PARD3B: variants seen among roughly 807,000 people sequenced by gnomAD.
The protein encoded by PARD3B is partitioning defective 3 homolog B.
PARD3B carries 103 observed loss-of-function variants against 130.2 expected under a neutral mutation model. The observed-to-expected ratio is 0.79, with a 90% confidence interval of 0.67 to 0.93. The LOEUF is 0.93. Ranked by LOEUF, PARD3B falls within the 40% of genes least tolerant of loss-of-function variation. The pLI is 0.00. For synonymous variants in PARD3B, 583 were observed against 553.2 expected, an observed-to-expected ratio of 1.05 and a Z score of -0.76; for missense variants, 1,609 against 1,499.2, an observed-to-expected ratio of 1.07 and a Z score of -1.21.
chr2:205,034,955 C>A (rs761113863), intron 3 of PARD3B, among the ~76,000 whole-genome samples: 2 of 152,126 alleles, frequency 1.3e-5, no homozygotes, highest in Non-Finnish European at 2.9e-5. Context: ...CACCTGAGTT[C>A]AAGTGATCCT....
At chr2:205,067,101 T>TA (rs1700437584) in intron 4 of PARD3B, among the ~76,000 whole-genome samples, 1 of 61,140 alleles carries the variant, frequency 1.6e-5, no homozygotes, top group African/African-American at 5.4e-5. Context: ...TAGGCTTTTT[T>TA]TTTTTTTTTT....
chr2:205,279,388 A>T (rs2041101999), intron 16 of PARD3B, among the ~76,000 whole-genome samples: 1 of 151,568 alleles, frequency 6.6e-6, no homozygotes, highest in Non-Finnish European at 1.5e-5. Flanking sequence ...CCATTGGAGG[A>T]CTCGTCCTAT....
intron 2 of PARD3B, among the ~76,000 whole-genome samples, chr2:204,775,640 G>T (rs1445857646): frequency 6.6e-6 from 1 of 152,084 alleles, no homozygotes; most frequent in Non-Finnish European, 1.5e-5. Context: ...TCATAATACA[G>T]TGCTGCCTTC....
At chr2:205,076,189 A>G (rs1367589876) in intron 4 of PARD3B, among the ~76,000 whole-genome samples, 2 of 152,182 alleles carry the variant, frequency 1.3e-5, no homozygotes, top group Non-Finnish European at 2.9e-5. Flanking sequence ...CTGGTTAACT[A>G]TAGTCTCAAC....
At chr2:204,830,106 T>G (rs1177377304) in intron 2 of PARD3B, among the ~76,000 whole-genome samples, 1 of 151,742 alleles carries the variant, frequency 6.6e-6, no homozygotes, top group African/African-American at 2.4e-5. Context: ...CTTTCTACCA[T>G]GATTGTAAGT....
Position 205,053,621 on chromosome 2 carries a change from C to G in PARD3B, c.504+5931C>G, listed in dbSNP as rs140571468. On this transcript the variant is annotated intron_variant, in intron 4 of 22. Transcript: ENST00000406610. ...TGTCACTGCCCTCCAGCCTGGGCAGCAACAGTGAAAACTCCATCTCAAAAA... is the reference window on the plus strand; with the variant it reads ...TGTCACTGCCCTCCAGCCTGGGCAGGAACAGTGAAAACTCCATCTCAAAAA... Among the ~76,000 whole-genome samples, 1,062 of 146,240 alleles carry G rather than the reference C, an allele frequency of 7.3e-3. 13 individuals are homozygous for G. Among genetic ancestry groups the G allele is most frequent in the African/African-American group, 0.026 (1,022 of 39,488 alleles).
intron 3 of PARD3B, among the ~76,000 whole-genome samples, chr2:204,998,665 AT>A: frequency 6.6e-6 from 1 of 151,818 alleles, no homozygotes; most frequent in East Asian, 1.9e-4. Flanking sequence ...ACATTTTTCC[AT>A]ATCCACTGAG....
intron 16 of PARD3B, among the ~76,000 whole-genome samples, chr2:205,248,404 GT>G (rs1454948903): frequency 6.6e-6 from 1 of 150,766 alleles, no homozygotes; most frequent in Admixed American, 6.6e-5. Flanking sequence ...GGTGGTGGTG[GT>G]GGTGGTGGTG....
chr2:205,442,553 G>A lies in PARD3B; in HGVS notation c.3044+1881G>A, dbSNP rs550975926. ...CCTGACCTCATGATCCACCCACCTC[G>A]GCATCCCAAAGTGCTGGGATTTGAG... is the stretch of plus-strand genomic sequence containing the variant. On this transcript the variant is annotated intron_variant, in intron 20 of 22. Transcript: ENST00000406610. Among the ~76,000 whole-genome samples, 168 of 152,068 alleles carry A rather than the reference G, an allele frequency of 1.1e-3. 1 individual carries two copies. Among genetic ancestry groups the A allele is most frequent in the Admixed American group, 2.9e-3 (45 of 15,274 alleles).
At chr2:205,254,088 T>TAAAAAAAAAAAA (rs11287171) in intron 16 of PARD3B, among the ~76,000 whole-genome samples, 2 of 75,968 alleles carry the variant, frequency 2.6e-5, no homozygotes, top group Non-Finnish European at 5.2e-5. Flanking sequence ...GTAGAGAAAT[T>TAAAAAAAAAAAA]AAAAAAAAAA....
rs145954378 is a variant in PARD3B, at chr2:205,408,780, G to C, written c.2741+7657G>C. Among the ~76,000 whole-genome samples the C allele has an allele frequency of 3.6e-3, 547 of 152,230 alleles. 1 individual carries two copies. The highest frequency in any genetic ancestry group is 6.0e-3 in the Non-Finnish European group (411 of 67,982). On this transcript the variant is annotated intron_variant, in intron 19 of 22. Coordinates refer to ENST00000406610, the MANE Select transcript of PARD3B (RefSeq NM_001302769.2). ...TGATTACATACACATGATTAATTCA[G>C]CATGGTTTTACTCATCACTGAATAT...
chr2:204,955,435 G>A (rs1400929802), intron 2 of PARD3B, among the ~76,000 whole-genome samples: 1 of 152,222 alleles, frequency 6.6e-6, no homozygotes, highest in Non-Finnish European at 1.5e-5. Flanking sequence ...GCATGAAGGT[G>A]ACCTTTATCC....
chr2:204,762,443 A>G (rs1013745342), intron 2 of PARD3B, among the ~76,000 whole-genome samples: 9 of 152,144 alleles, frequency 5.9e-5, no homozygotes, highest in African/African-American at 2.2e-4. Flanking sequence ...AAGATTTTCT[A>G]AAGCTAGATC....
rs187831826 is a variant in PARD3B at position 204,865,979 on chromosome 2, A to G, written c.223-99173A>G. On this transcript the variant is annotated intron_variant, in intron 2 of 22. Transcript: ENST00000406610. Reference sequence around the variant, plus strand: ...CATGAAGACCTTGCTTTCAGGACAGATCCTGCCTGTGGCCAGAGCTAGCCT... The same window carrying G: ...CATGAAGACCTTGCTTTCAGGACAGGTCCTGCCTGTGGCCAGAGCTAGCCT... Among the ~76,000 whole-genome samples the G allele has an allele frequency of 4.0e-3, 606 of 152,230 alleles. 7 individuals are homozygous for G. The highest frequency in any genetic ancestry group is 0.036 in the South Asian group (176 of 4,824).
chr2:204,588,074 C>T (rs945863053), intron 1 of PARD3B, among the ~76,000 whole-genome samples: 2 of 152,052 alleles, frequency 1.3e-5, no homozygotes, highest in South Asian at 2.1e-4. Flanking sequence ...TGAGGGAGGG[C>T]GTGCATTAGA....
At chr2:205,516,469 A>G (rs2050796469) in intron 21 of PARD3B, among the ~76,000 whole-genome samples, 1 of 151,960 alleles carries the variant, frequency 6.6e-6, no homozygotes, top group South Asian at 2.1e-4. Flanking sequence ...TGTAATTCTC[A>G]TTGTAGAGAT....
Position 204,642,816 on chromosome 2 carries a change from GTGTT to G in PARD3B, c.121-43362_121-43359del, listed in dbSNP as rs539238410. Among the ~76,000 whole-genome samples, 619 of 151,722 alleles carry G rather than the reference GTGTT, an allele frequency of 4.1e-3. 4 individuals are homozygous for G. Among genetic ancestry groups the G allele is most frequent in the African/African-American group, 0.014 (595 of 41,370 alleles). On this transcript the variant is annotated intron_variant, in intron 1 of 22. Coordinates refer to ENST00000406610, the MANE Select transcript of PARD3B (RefSeq NM_001302769.2). ...TCTCACAAGACCTGGTTGTTGGAAAGTGTTTGGCACCTCTCGGCCGGGCGCGGTG... is the reference window on the plus strand; with the variant it reads ...TCTCACAAGACCTGGTTGTTGGAAAGTGGCACCTCTCGGCCGGGCGCGGTG...
chr2:204,547,479 G>A (rs2030074614), intron 1 of PARD3B, among the ~76,000 whole-genome samples: 1 of 152,198 alleles, frequency 6.6e-6, no homozygotes, highest in African/African-American at 2.4e-5. Context: ...TTATGTGTGT[G>A]TGTGCACGTG....
chr2:205,556,688 C>G, intron 22 of PARD3B, among the ~76,000 whole-genome samples: 1 of 152,200 alleles, frequency 6.6e-6, no homozygotes, highest in Non-Finnish European at 1.5e-5. Flanking sequence ...AATACAACCT[C>G]GTTAGTAAAC....
Sources: gnomAD v4.1 joint callset for allele counts (sites outside exome capture counted in the v4.1 genomes callset) on GRCh38, gnomAD v4.1.1 for gene constraint, MANE v1.5 for transcripts, NCBI Gene and HGNC (gene_info 2026-07-23, HGNC 2026-07-21) for gene names.